The following SETD2 variants were observed in gnomAD, a reference collection of about 807,000 sequenced individuals.
SETD2 encodes the protein histone-lysine N-methyltransferase SETD2.
In SETD2, 31 loss-of-function variants were observed where a neutral mutation model predicts 242.1. That is an observed-to-expected ratio of 0.13 (90% CI 0.10 to 0.17). The LOEUF (loss-of-function observed/expected upper bound fraction) is 0.17. SETD2 is among the 10% of genes least tolerant of loss of function. SETD2 has a pLI of 1.00. For missense variants in SETD2, 2,481 were observed against 3,046.3 expected (o/e 0.81, Z 4.37); for synonymous variants, 1,006 against 1,066.5 (o/e 0.94, Z 1.11).
intron 8 of SETD2, among the ~76,000 whole-genome samples, chr3:47,099,406 A>G (rs1489118944): frequency 6.6e-6 from 1 of 152,206 alleles, no homozygotes; most frequent in African/African-American, 2.4e-5. Context: ...TGGTTTCTTA[A>G]TAATCAGAAA....
At chr3:47,111,749 GAA>G (rs1156878466) in intron 5 of SETD2, among the ~76,000 whole-genome samples, 4 of 109,580 alleles carry the variant, frequency 3.7e-5, no homozygotes, top group Non-Finnish European at 3.9e-5. Flanking sequence ...ATCTTCAAAG[GAA>G]AAAAAAAAAA....
In SETD2 at chr3:47,084,052, C is replaced by G. The variant is rs1294255401; in HGVS notation, c.5728G>C (p.Asp1910His). 1.2e-6 allele frequency: 2 copies of G among 1,614,162 alleles called. No individual in the cohort carries two copies. Among genetic ancestry groups the G allele is most frequent in the Non-Finnish European group, 1.7e-6 (2 of 1,180,012 alleles). The change falls in exon 12 of 21, where the codon GAT becomes CAT. Residue 1910 changes from aspartate (D) to histidine (H), a missense_variant. Coordinates refer to ENST00000409792, the MANE Select transcript of SETD2 (RefSeq NM_014159.7). ...LEGKDGKEDL[D>H]QLENVPVEEE... is the part of the protein sequence containing the mutation. ...TCTACAGGGACATTTTCTAATTGATCAAGATCCTCTTTGCCATCCTTGCCT... is the reference window on the plus strand; with the variant it reads ...TCTACAGGGACATTTTCTAATTGATGAAGATCCTCTTTGCCATCCTTGCCT...
intron 4 of SETD2, among the ~76,000 whole-genome samples, chr3:47,114,930 T>C (rs912442357): frequency 1.4e-5 from 2 of 140,970 alleles, no homozygotes; most frequent in African/African-American, 2.6e-5. Flanking sequence ...ATTTTGAATA[T>C]ATTATTATTT....
chr3:47,151,017 T>C (rs531681869), intron 1 of SETD2, among the ~76,000 whole-genome samples: 1 of 152,056 alleles, frequency 6.6e-6, no homozygotes, highest in African/African-American at 2.4e-5. Context: ...CAAATTAGAA[T>C]AATGATCGTT....
At chr3:47,151,336 T>C (rs1057431588) in intron 1 of SETD2, among the ~76,000 whole-genome samples, 6 of 152,022 alleles carry the variant, frequency 3.9e-5, no homozygotes, top group Non-Finnish European at 4.4e-5. Context: ...AATACATATA[T>C]AAAAACATAT....
rs189671317 is a variant in SETD2, at chr3:47,121,466, T to G, written c.3170A>C (p.Asp1057Ala). 1 of 1,613,578 alleles carries G rather than the reference T, an allele frequency of 6.2e-7. No individual in the cohort carries two copies. The highest frequency in any genetic ancestry group is 2.2e-5 in the East Asian group (1 of 44,872). ...DESDSEDTDS[D>A]DSSIPRNRLQ... ...ACGGTTTCTTGGAATACTGCTATCA[T>G]CCGAATCTGTATCTTCTGAATCACT... The change falls in exon 3 of 21, where the codon GAT becomes GCT. Residue 1057 changes from aspartate to alanine, a missense_variant. Coordinates refer to ENST00000409792, the MANE Select transcript of SETD2 (RefSeq NM_014159.7).
At chr3:47,153,932 C>T (rs2044062322) in intron 1 of SETD2, among the ~76,000 whole-genome samples, 1 of 152,110 alleles carries the variant, frequency 6.6e-6, no homozygotes, top group African/African-American at 2.4e-5. Flanking sequence ...CCCCCAAACA[C>T]CATCATAACC....
intron 19 of SETD2, among the ~76,000 whole-genome samples, chr3:47,019,424 C>T (rs190638982): frequency 6.6e-6 from 1 of 152,302 alleles, no homozygotes; most frequent in East Asian, 1.9e-4. Context: ...ATGTGTCATT[C>T]ACATAACAAC....
chr3:47,056,660 A>C (rs1047122743), intron 15 of SETD2, among the ~76,000 whole-genome samples, 161 bp downstream of exon 15: 5 of 152,202 alleles, frequency 3.3e-5, no homozygotes, highest in Non-Finnish European at 5.9e-5. Context: ...TCTTAAGCTG[A>C]CAAGTTCTGG....
Position 47,083,591 on chromosome 3 carries a change from CAGTA to C in SETD2, c.6060+125_6060+128del, listed in dbSNP as rs939464497. 3 of 857,128 alleles carry C rather than the reference CAGTA, an allele frequency of 3.5e-6. No individual in the cohort carries two copies. The African/African-American group carries it at 5.1e-5, about 15-fold the overall frequency. 53.1% of individuals were successfully genotyped at this position (857,128 alleles called of 1,614,324 possible). On this transcript the variant is annotated intron_variant, in intron 12 of 20. Coordinates refer to ENST00000409792, the MANE Select transcript of SETD2 (RefSeq NM_014159.7). The stretch of plus-strand genomic sequence containing the variant: ...ATGTTTGAGACACTTATAAATAAAA[CAGTA>C]AGAGAGACAGTATTCCATTTTTCAG...
At chr3:47,125,462 T>TA (rs2043294189) in intron 2 of SETD2, among the ~76,000 whole-genome samples, 1 of 152,096 alleles carries the variant, frequency 6.6e-6, no homozygotes, top group African/African-American at 2.4e-5. Context: ...GTTTTGGTTT[T>TA]TAAAAAAAAC....
intron 1 of SETD2, chr3:47,157,665 G>A (rs1226715980): frequency 2.5e-6 from 1 of 403,386 alleles, no homozygotes; most frequent in Non-Finnish European, 4.9e-6. Context: ...CCTGAGGTCA[G>A]GAGTTCGAGA....
chr3:47,088,335 A>G (rs1029656161), intron 9 of SETD2, 88 bp from the exon 10 acceptor site: 1 of 1,349,970 alleles, frequency 7.4e-7, no homozygotes, highest in Admixed American at 2.3e-5. Context: ...AACCTTATCA[A>G]TTATCAGGAA....
Position 47,097,825 on chromosome 3 carries a change from T to C in SETD2, c.5142+130A>G, listed in dbSNP as rs192365577. The C allele has an allele frequency of 8.4e-6, 7 of 828,538 alleles. No individual in the cohort carries two copies. In the Admixed American group the frequency reaches 1.5e-4, roughly 18 times the overall value. The allele number at this position is 828,538 out of a possible 1,614,324, so 51.3% of individuals were successfully genotyped here. ...ATAAAAATAGCAATTGCATCTCTTT[T>C]CTGGTAACAACTCATCTGATCTTGG... On this transcript the variant is annotated intron_variant, in intron 9 of 20. Transcript: ENST00000409792.
intron 1 of SETD2, among the ~76,000 whole-genome samples, chr3:47,154,718 G>T (rs1318119395): frequency 9.9e-5 from 15 of 152,160 alleles, no homozygotes; most frequent in African/African-American, 3.1e-4. Context: ...CATTGGCCGG[G>T]CGCGGTGGCT....
intron 12 of SETD2, among the ~76,000 whole-genome samples, chr3:47,078,352 A>G (rs974501125): frequency 6.6e-6 from 1 of 152,190 alleles, no homozygotes; most frequent in Non-Finnish European, 1.5e-5. Context: ...CAAGCAAAGG[A>G]AAGTTTCAGA....
chr3:47,062,925 C>T (rs973073990), intron 13 of SETD2, among the ~76,000 whole-genome samples: 5 of 151,608 alleles, frequency 3.3e-5, no homozygotes, highest in African/African-American at 7.3e-5. Context: ...CCTGGGCAAA[C>T]GAAGCAAGAC....
intron 12 of SETD2, among the ~76,000 whole-genome samples, chr3:47,071,314 G>A (rs2040808306): frequency 2.0e-5 from 3 of 152,144 alleles, no homozygotes; most frequent in Admixed American, 6.5e-5. Flanking sequence ...ATTATTATGG[G>A]CCCATACTGT....
In SETD2 at chr3:47,122,271, T is replaced by C. The variant is rs986626620; in HGVS notation, c.2365A>G (p.Lys789Glu). The change falls in exon 3 of 21, where the codon AAA becomes GAA. Residue 789 changes from lysine (K) to glutamate (E), a missense_variant. Lys to Glu is a moderately conservative substitution (Grantham distance 56). Around this residue, in one of 17 missense-constraint regions of SETD2, gnomAD observed 1,300 missense variants for 1,259.2 expected, o/e 1.03. Coordinates refer to ENST00000409792, the MANE Select transcript of SETD2 (RefSeq NM_014159.7). ...AAAGTACAGTATATGTCTGAATCTT[T>C]GGTTTTGCAGCAAGAAACCCTCGTA... Reference protein sequence around the residue: ...VDTRVSCCKTKDSDIYCTLND... With the variant: ...VDTRVSCCKTEDSDIYCTLND... 6.2e-7 allele frequency: 1 copy of C among 1,614,154 alleles called. No individual in the cohort carries two copies. The highest frequency in any genetic ancestry group is 8.5e-7 in the Non-Finnish European group (1 of 1,179,982).
Sources: gnomAD v4.1 joint callset for allele counts (sites outside exome capture counted in the v4.1 genomes callset) on GRCh38, gnomAD v4.1.1 for gene constraint, gnomAD v4.1.1 regional missense constraint, MANE v1.5 for transcripts, NCBI Gene and HGNC (gene_info 2026-07-23, HGNC 2026-07-21) for gene names.